Variants in CMSS1 observed in about 807,000 individuals in gnomAD.
CMSS1 encodes protein CMSS1.
In CMSS1, 33 loss-of-function variants were observed where a neutral mutation model predicts 43.5. The ratio of observed to expected loss-of-function variants is 0.76; its 90% CI spans 0.57 to 1.01. CMSS1 has a LOEUF of 1.01. CMSS1 is among the 50% of genes least tolerant of loss of function. The pLI is 0.00. For synonymous variants in CMSS1, 115 were observed against 117.2 expected (o/e 0.98, Z 0.12); for missense variants, 313 against 326.4 (o/e 0.96, Z 0.32).
intron 1 of CMSS1, among the ~76,000 whole-genome samples, chr3:100,053,082 A>G (rs570733826): frequency 2.0e-5 from 3 of 152,238 alleles, no homozygotes; most frequent in Admixed American, 2.0e-4. Flanking sequence ...CCTTGTTGAC[A>G]GTATGCTTCC....
At position 100,020,003 on chromosome 3, in the gene CMSS1, A is replaced by C. The variant is rs1436605197; in HGVS notation, c.65-126970A>C. ...GTATTATGTGCAATTTTATTTTCTG[A>C]GTAATATCACTGATTCAGTAATTAC... On this transcript the variant is annotated intron_variant, in intron 1 of 9. Transcript: ENST00000421999. Among the ~76,000 whole-genome samples the C allele has an allele frequency of 2.4e-4, 36 of 152,160 alleles. 1 individual carries two copies. Among genetic ancestry groups the C allele is most frequent in the Admixed American group, 2.3e-3 (35 of 15,274 alleles).
At chr3:99,969,479 T>C (rs1248718502) in intron 1 of CMSS1, among the ~76,000 whole-genome samples, 1 of 152,112 alleles carries the variant, frequency 6.6e-6, no homozygotes, top group East Asian at 1.9e-4. Flanking sequence ...GCTCAACAGA[T>C]TGGTCACAGA....
intron 1 of CMSS1, among the ~76,000 whole-genome samples, chr3:99,983,375 A>AAAAT (rs201845792): frequency 4.3e-4 from 22 of 51,250 alleles, no homozygotes; most frequent in African/African-American, 1.3e-3. Flanking sequence ...CTCTACTTAA[A>AAAAT]AAATAAATAA....
At chr3:100,104,884 T>C (rs901037547) in intron 1 of CMSS1, among the ~76,000 whole-genome samples, 5 of 152,186 alleles carry the variant, frequency 3.3e-5, no homozygotes, top group Non-Finnish European at 1.5e-5. Context: ...CATCCTTGTT[T>C]CTTCACTTCC....
intron 9 of CMSS1, 77 bp downstream of exon 9, chr3:100,176,492 T>C: frequency 1.1e-6 from 1 of 888,722 alleles, no homozygotes; most frequent in African/African-American, 1.7e-5. Flanking sequence ...ATAAAGTCTT[T>C]GACATGAGGA....
At chr3:100,172,657 T>C (rs1413171575) in intron 8 of CMSS1, among the ~76,000 whole-genome samples, 1 of 152,216 alleles carries the variant, frequency 6.6e-6, no homozygotes, top group Non-Finnish European at 1.5e-5. Flanking sequence ...AGCAGGTTAG[T>C]GGTTCCACAT....
intron 1 of CMSS1, among the ~76,000 whole-genome samples, chr3:100,068,834 G>A (rs183558012): frequency 1.3e-3 from 201 of 152,232 alleles, no homozygotes; most frequent in African/African-American, 4.6e-3. Flanking sequence ...CACCATGTTG[G>A]CCAGGCTGGT....
chr3:100,162,438 G>A lies in CMSS1; in HGVS notation c.355+6G>A. 1 of 1,606,098 alleles carries A rather than the reference G, an allele frequency of 6.2e-7. No homozygotes were observed. Among genetic ancestry groups the A allele is most frequent in the Non-Finnish European group, 8.5e-7 (1 of 1,176,744 alleles). ...AGAAGAACTGAACCTGCCAGGTATAGCCAAGCTTCAATTTTCCTAAAGACA... is the reference window on the plus strand; with the variant it reads ...AGAAGAACTGAACCTGCCAGGTATAACCAAGCTTCAATTTTCCTAAAGACA... On this transcript the variant is annotated splice_donor_region_variant and intron_variant, in intron 4 of 9. Coordinates refer to ENST00000421999, the MANE Select transcript of CMSS1 (RefSeq NM_032359.4).
chr3:100,002,493 A>G (rs1342824864), intron 1 of CMSS1, among the ~76,000 whole-genome samples: 2 of 152,224 alleles, frequency 1.3e-5, no homozygotes, highest in African/African-American at 4.8e-5. Flanking sequence ...CAAGATTTGC[A>G]CACAGGTACA....
intron 1 of CMSS1, among the ~76,000 whole-genome samples, chr3:99,821,169 A>G (rs977414237): frequency 5.9e-5 from 9 of 152,160 alleles, no homozygotes; most frequent in African/African-American, 2.2e-4. Context: ...AAAACCTGTC[A>G]TTTTTGTGCT....
chr3:99,873,410 G>A (rs1408186517), intron 1 of CMSS1, among the ~76,000 whole-genome samples: 1 of 152,206 alleles, frequency 6.6e-6, no homozygotes, highest in Non-Finnish European at 1.5e-5. Context: ...GAAGCAGGTT[G>A]AGACCAATAT....
chr3:99,913,495 G>T (rs930926712), intron 1 of CMSS1, among the ~76,000 whole-genome samples: 3 of 152,260 alleles, frequency 2.0e-5, no homozygotes, highest in Non-Finnish European at 2.9e-5. Context: ...ATTAACCAAA[G>T]AATGTTTAAT....
chr3:100,024,376 C>T (rs906802330), intron 1 of CMSS1, among the ~76,000 whole-genome samples: 1 of 152,074 alleles, frequency 6.6e-6, no homozygotes, highest in African/African-American at 2.4e-5. Context: ...ATTTTGGCCC[C>T]TATAGAGCAG....
chr3:100,104,935 C>CA (rs951293806), intron 1 of CMSS1, among the ~76,000 whole-genome samples: 21 of 152,146 alleles, frequency 1.4e-4, no homozygotes, highest in African/African-American at 4.8e-4. Context: ...CTGTAACAGC[C>CA]AAAACCTCAC....
At chr3:99,977,537 A>G (rs1709007030) in intron 1 of CMSS1, among the ~76,000 whole-genome samples, 1 of 152,174 alleles carries the variant, frequency 6.6e-6, no homozygotes, top group Admixed American at 6.6e-5. Context: ...TGGGAATGTA[A>G]GCAAGTAATT....
At position 100,124,898 on chromosome 3, in the gene CMSS1, T is replaced by TA. The variant is rs201324210; in HGVS notation, c.65-22075_65-22074insA. 2.6e-3 allele frequency among the ~76,000 whole-genome samples: 317 copies of TA among 121,174 alleles called. 1 individual carries two copies. The highest frequency in any genetic ancestry group is 4.7e-3 in the Non-Finnish European group (266 of 56,474). 79.5% of individuals were successfully genotyped at this position (121,174 alleles called of 152,430 possible). On this transcript the variant is annotated intron_variant, in intron 1 of 9. Transcript: ENST00000421999. ...CACATGTCAGGTACTAACTCTCAGA[T>TA]CCCCGTTTTCAGTCTGTACCTCATC...
intron 1 of CMSS1, among the ~76,000 whole-genome samples, chr3:100,116,136 C>A (rs1240736932): frequency 6.6e-6 from 1 of 152,134 alleles, no homozygotes; most frequent in Non-Finnish European, 1.5e-5. Flanking sequence ...GTAACCAAAC[C>A]CACTTGCTTA....
chr3:99,953,757 T>A (rs528381348), intron 1 of CMSS1, among the ~76,000 whole-genome samples: 1 of 152,256 alleles, frequency 6.6e-6, no homozygotes, highest in South Asian at 2.1e-4. Context: ...AGAAACTCAG[T>A]CTATACTGAC....
chr3:99,931,111 T>G, intron 1 of CMSS1: 1 of 1,172,440 alleles, frequency 8.5e-7, no homozygotes, highest in South Asian at 1.5e-5. Flanking sequence ...TTAACAAGTC[T>G]ACATTCTTGT....
Sources: gnomAD v4.1 joint callset for allele counts (sites outside exome capture counted in the v4.1 genomes callset) on GRCh38, gnomAD v4.1.1 for gene constraint, MANE v1.5 for transcripts, NCBI Gene and HGNC (gene_info 2026-07-23, HGNC 2026-07-21) for gene names.